Variants in MSRA observed in about 807,000 individuals in gnomAD.
MSRA encodes the protein methionine sulfoxide reductase A.
A neutral mutation model predicts 31.3 loss-of-function variants in MSRA; 54 were observed. The observed-to-expected ratio is 1.73, with a 90% CI of 1.39 to 2.17. The LOEUF is 2.17. MSRA is among the 30% of genes most tolerant of loss of function. The pLI is 0.00. For missense variants in MSRA, 507 were observed against 300.9 expected (o/e 1.69, Z -5.07); for synonymous variants, 169 against 116.5 (o/e 1.45, Z -2.90).
At chr8:10,192,315 G>T (rs1344533144) in intron 1 of MSRA, among the ~76,000 whole-genome samples, 1 of 152,166 alleles carries the variant, frequency 6.6e-6, no homozygotes, top group Non-Finnish European at 1.5e-5. Flanking sequence ...TTTAGAACCA[G>T]GGGAGGATCT....
chr8:10,094,862 A>C (rs1799043159), intron 1 of MSRA, among the ~76,000 whole-genome samples: 1 of 152,236 alleles, frequency 6.6e-6, no homozygotes, highest in South Asian at 2.1e-4. Context: ...AAAATATGAA[A>C]AGATACTTGC....
intron 1 of MSRA, among the ~76,000 whole-genome samples, chr8:10,073,981 G>A (rs1585090900): frequency 6.7e-6 from 1 of 148,484 alleles, no homozygotes; most frequent in Admixed American, 6.8e-5. Flanking sequence ...GGGATCTAGG[G>A]GAGTGTTGCT....
At chr8:10,256,971 C>G (rs1798217542) in intron 3 of MSRA, among the ~76,000 whole-genome samples, 1 of 152,142 alleles carries the variant, frequency 6.6e-6, no homozygotes, top group South Asian at 2.1e-4. Context: ...TTATACATTT[C>G]TTTCCTTCAT....
At chr8:10,144,957 G>A (rs1166947754) in intron 1 of MSRA, among the ~76,000 whole-genome samples, 2 of 150,712 alleles carry the variant, frequency 1.3e-5, no homozygotes, top group Non-Finnish European at 3.0e-5. Flanking sequence ...TGCTGGGCTC[G>A]TTTTGGGGGA....
At chr8:10,103,227 A>G (rs1799652815) in intron 1 of MSRA, among the ~76,000 whole-genome samples, 1 of 152,238 alleles carries the variant, frequency 6.6e-6, no homozygotes, top group Non-Finnish European at 1.5e-5. Flanking sequence ...AGAGGTCAGT[A>G]TATTAAAAAT....
At chr8:10,259,005 G>C (rs992527236) in intron 3 of MSRA, among the ~76,000 whole-genome samples, 2 of 152,068 alleles carry the variant, frequency 1.3e-5, no homozygotes, top group African/African-American at 2.4e-5. Context: ...TACTTGGGAG[G>C]CTGAGGCAGG....
intron 5 of MSRA, among the ~76,000 whole-genome samples, chr8:10,367,652 C>T (rs1290895562): frequency 2.0e-5 from 3 of 152,228 alleles, no homozygotes; most frequent in Non-Finnish European, 4.4e-5. Context: ...TTCCCCATGT[C>T]ACACTGCGAG....
chr8:10,344,035 G>A lies in MSRA; in HGVS notation c.543+24046G>A, dbSNP rs369421357. Reference sequence around the variant, plus strand: ...ATAGAACATTCTGTAGTCCCAGATAGCATCTTCTTGCCTGGAACTGACATA... The same window carrying A: ...ATAGAACATTCTGTAGTCCCAGATAACATCTTCTTGCCTGGAACTGACATA... On this transcript the variant is annotated intron_variant, in intron 5 of 5. Transcript: ENST00000317173. Among the ~76,000 whole-genome samples, 23 of 152,308 alleles carry A rather than the reference G, an allele frequency of 1.5e-4. No homozygotes were observed. The East Asian group carries it at 3.1e-3, about 21-fold the overall frequency.
intron 5 of MSRA, among the ~76,000 whole-genome samples, chr8:10,348,791 G>C (rs1302170866): frequency 2.0e-5 from 3 of 152,172 alleles, no homozygotes; most frequent in Non-Finnish European, 4.4e-5. Context: ...GGCAGAATTG[G>C]GGATCAACAG....
At chr8:10,234,049 C>T (rs779653247) in intron 2 of MSRA, among the ~76,000 whole-genome samples, 22 of 152,064 alleles carry the variant, frequency 1.4e-4, no homozygotes, top group Non-Finnish European at 2.2e-4. Context: ...AATGTATACC[C>T]AGCTAAACTT....
intron 1 of MSRA, among the ~76,000 whole-genome samples, chr8:10,088,671 G>A (rs572412138): frequency 1.3e-5 from 2 of 152,196 alleles, no homozygotes; most frequent in Admixed American, 1.3e-4. Flanking sequence ...GGGAGGATGA[G>A]GTTGCAGTGA....
rs534642125 is a variant in MSRA, at chr8:10,329,871, C to G, written c.543+9882C>G. Among the ~76,000 whole-genome samples the G allele has an allele frequency of 7.2e-5, 11 of 151,750 alleles. No individual in the cohort carries two copies. In the South Asian group the frequency reaches 2.1e-3, roughly 29 times the overall value. On this transcript the variant is annotated intron_variant, in intron 5 of 5. Transcript: ENST00000317173. ...GGTGAAAATTTGCAAAAGTTTATCC[C>G]CTTTCATACATCTCTACCTTCAAAA...
In MSRA at chr8:10,207,823, T is replaced by G; in HGVS notation, c.143-10T>G. The G allele has an allele frequency of 6.2e-7, 1 of 1,604,810 alleles. No homozygotes were observed. The highest frequency in any genetic ancestry group is 8.5e-7 in the Non-Finnish European group (1 of 1,177,024). On this transcript the variant is annotated splice_polypyrimidine_tract_variant and intron_variant, in intron 1 of 5. Coordinates refer to ENST00000317173, the MANE Select transcript of MSRA (RefSeq NM_012331.5). ...CACTTAAACTTGCATTTCTTTTTTT[T>G]TTTTTCTAGCCAAACATCATGTCAA...
intron 2 of MSRA, among the ~76,000 whole-genome samples, chr8:10,229,897 C>T (rs183457113): frequency 2.9e-4 from 44 of 152,302 alleles, no homozygotes; most frequent in African/African-American, 8.7e-4. Flanking sequence ...CTGCATTCCC[C>T]GTCCTCCCCA....
chr8:10,278,813 G>A (rs893004063), intron 3 of MSRA, among the ~76,000 whole-genome samples: 2 of 152,142 alleles, frequency 1.3e-5, no homozygotes, highest in African/African-American at 4.8e-5. Context: ...TTTTAAAGTT[G>A]ATTTCAAAGG....
At chr8:10,379,150 C>T (rs1354541512) in intron 5 of MSRA, among the ~76,000 whole-genome samples, 2 of 152,194 alleles carry the variant, frequency 1.3e-5, no homozygotes, top group East Asian at 3.8e-4. Flanking sequence ...CCTGGCTGCC[C>T]TGTCCATAAG....
chr8:10,122,713 T>G (rs893158839), intron 1 of MSRA, among the ~76,000 whole-genome samples: 1 of 152,062 alleles, frequency 6.6e-6, no homozygotes, highest in Non-Finnish European at 1.5e-5. Context: ...GAGGCCCCAG[T>G]GTCTTTTGTT....
intron 5 of MSRA, among the ~76,000 whole-genome samples, chr8:10,415,961 T>G (rs115445553): frequency 2.2e-4 from 34 of 152,130 alleles, no homozygotes; most frequent in African/African-American, 8.2e-4. Context: ...CCTCGCGTGG[T>G]GGATATTCAC....
chr8:10,140,752 A>G (rs1053180272), intron 1 of MSRA, among the ~76,000 whole-genome samples: 3 of 152,234 alleles, frequency 2.0e-5, no homozygotes, highest in Non-Finnish European at 2.9e-5. Flanking sequence ...AACTCCTTTA[A>G]GAGAGAAGTA....
Sources: gnomAD v4.1 joint callset for allele counts (sites outside exome capture counted in the v4.1 genomes callset) on GRCh38, gnomAD v4.1.1 for gene constraint, MANE v1.5 for transcripts, NCBI Gene and HGNC (gene_info 2026-07-23, HGNC 2026-07-21) for gene names.